Variants in SIL1 observed in about 807,000 individuals in gnomAD.
SIL1 encodes SIL1 nucleotide exchange factor.
A neutral mutation model predicts 49.1 loss-of-function variants in SIL1; 40 were observed. The ratio of observed to expected loss-of-function variants is 0.81; its 90% CI spans 0.63 to 1.06. SIL1 has a LOEUF of 1.06. Among genes scored for constraint, SIL1 ranks in the 50% least tolerant of loss-of-function variants. The probability of loss-of-function intolerance (pLI) is 0.00; values close to 1 mark genes in which losing one functional copy is unlikely to be tolerated. For synonymous variants in SIL1, 253 were observed against 250.8 expected (o/e 1.01, Z -0.08); for missense variants, 500 against 572.6 (o/e 0.87, Z 1.29).
chr5:139,054,051 C>T (rs556355896), intron 3 of SIL1, among the ~76,000 whole-genome samples: 30 of 152,238 alleles, frequency 2.0e-4, no homozygotes, highest in Admixed American at 1.7e-3. Flanking sequence ...GAGGCTGAGA[C>T]GAGGGGATCA....
At chr5:139,128,195 C>A (rs1750792793) in intron 1 of SIL1, 1 of 368,138 alleles carries the variant, frequency 2.7e-6, no homozygotes, top group South Asian at 2.1e-5. Flanking sequence ...AACTGATCTG[C>A]ATGTGAACAA....
chr5:138,984,332 GT>G (rs57850973), intron 7 of SIL1, among the ~76,000 whole-genome samples: 39 of 141,518 alleles, frequency 2.8e-4, no homozygotes, highest in South Asian at 9.0e-4. Context: ...CTCTTACGGT[GT>G]TTTTTTTTTT....
chr5:139,109,817 G>C (rs1182324208), intron 3 of SIL1, among the ~76,000 whole-genome samples: 2 of 144,454 alleles, frequency 1.4e-5, no homozygotes, highest in Non-Finnish European at 3.0e-5. Flanking sequence ...TTCCATTCTA[G>C]GATCCTCTCA....
chr5:139,152,771 C>T lies in SIL1; in HGVS notation c.-10-24918G>A, dbSNP rs77147920. On this transcript the variant is annotated intron_variant, in intron 1 of 9. Coordinates refer to ENST00000394817, the MANE Select transcript of SIL1 (RefSeq NM_022464.5). ...AAAGGCCAAATTCCATACTCGCAAC[C>T]TGCCACCATCCAGCCCTGATCAACA... Among the ~76,000 whole-genome samples, 1,449 of 152,306 alleles carry T rather than the reference C, an allele frequency of 9.5e-3. 15 individuals are homozygous for T. Among genetic ancestry groups the T allele is most frequent in the Non-Finnish European group, 0.016 (1,102 of 68,010 alleles).
At chr5:138,978,684 T>A (rs1284223604) in intron 7 of SIL1, among the ~76,000 whole-genome samples, 1 of 152,238 alleles carries the variant, frequency 6.6e-6, no homozygotes, top group East Asian at 1.9e-4. Context: ...TTTCTCCACA[T>A]CCTTGTCAAC....
In SIL1 at chr5:139,173,728, C is replaced by T. The variant is rs1030351304; in HGVS notation, c.-11+24541G>A. ...TTGGGAGGCCAAGGCAGGCAGATCA[C>T]GAGGTCAGGAGATCGAGACCATCCT... is the stretch of plus-strand genomic sequence containing the variant. On this transcript the variant is annotated intron_variant, in intron 1 of 9. Coordinates refer to ENST00000394817, the MANE Select transcript of SIL1 (RefSeq NM_022464.5). 4.1e-5 allele frequency among the ~76,000 whole-genome samples: 6 copies of T among 145,324 alleles called. No homozygotes were observed. The East Asian group carries it at 1.2e-3, about 30-fold the overall frequency.
chr5:139,042,523 G>C, intron 5 of SIL1, 97 bp downstream of exon 5: 1 of 1,004,902 alleles, frequency 1.0e-6, no homozygotes, highest in Non-Finnish European at 1.6e-6. Flanking sequence ...GTTATCCCAT[G>C]TTTATTGCAA....
At chr5:139,091,205 T>C (rs1411731336) in intron 3 of SIL1, among the ~76,000 whole-genome samples, 1 of 152,036 alleles carries the variant, frequency 6.6e-6, no homozygotes, top group African/African-American at 2.4e-5. Flanking sequence ...AAAATATTAA[T>C]TTGATTATGC....
chr5:138,988,596 A>C (rs1767691925), intron 7 of SIL1, among the ~76,000 whole-genome samples: 1 of 152,232 alleles, frequency 6.6e-6, no homozygotes, highest in African/African-American at 2.4e-5. Flanking sequence ...GTCATTCTAC[A>C]ACTATTGAAA....
chr5:138,978,035 T>A (rs1416635013), intron 7 of SIL1, among the ~76,000 whole-genome samples: 2 of 152,256 alleles, frequency 1.3e-5, no homozygotes, highest in Admixed American at 1.3e-4. Flanking sequence ...TTTATTTTCT[T>A]CATAACACGT....
In SIL1 at chr5:138,948,635, CA is replaced by C. The variant is rs1289722343; in HGVS notation, c.1030-1163del. Among the ~76,000 whole-genome samples, 2 of 890 alleles carry C rather than the reference CA, an allele frequency of 2.2e-3. No homozygotes were observed. Among genetic ancestry groups the C allele is most frequent in the African/African-American group, 7.6e-3 (2 of 264 alleles). 0.6% of individuals were successfully genotyped at this position (890 alleles called of 152,430 possible). On this transcript the variant is annotated intron_variant, in intron 9 of 9. Coordinates refer to ENST00000394817, the MANE Select transcript of SIL1 (RefSeq NM_022464.5). This position sits in a 1 kb window ranked among gnomAD's most constrained non-coding sequence, Gnocchi z 4.8. ...GCTCCGACTTCCAGGTGCACCCCCG[CA>C]TTGGCCCCATTCACTCCACGGCTCC...
intron 7 of SIL1, among the ~76,000 whole-genome samples, chr5:138,968,203 C>A (rs370893784): frequency 6.6e-6 from 1 of 151,974 alleles, no homozygotes; most frequent in African/African-American, 2.4e-5. Context: ...GGGGATGAGG[C>A]GGTAGAGCAC....
chr5:139,137,916 C>T (rs1185481467), intron 1 of SIL1, among the ~76,000 whole-genome samples: 2 of 151,846 alleles, frequency 1.3e-5, no homozygotes. Context: ...CGCACACACA[C>T]ACATACCACA....
At chr5:138,950,378 T>G (rs1158549750) in intron 9 of SIL1, among the ~76,000 whole-genome samples, 1 of 152,126 alleles carries the variant, frequency 6.6e-6, no homozygotes, top group Non-Finnish European at 1.5e-5. Flanking sequence ...GGAGAGACAG[T>G]GATGGACAGA....
intron 1 of SIL1, among the ~76,000 whole-genome samples, chr5:139,175,333 A>G (rs1448590484): frequency 6.6e-6 from 1 of 152,108 alleles, no homozygotes; most frequent in Non-Finnish European, 1.5e-5. Context: ...AAACAAACAA[A>G]CAAAAAAAAA....
intron 1 of SIL1, among the ~76,000 whole-genome samples, chr5:139,148,952 C>A (rs1342975986): frequency 2.0e-5 from 3 of 152,194 alleles, no homozygotes; most frequent in South Asian, 4.1e-4. Flanking sequence ...CTTAAAACAG[C>A]CACTGCAGCC....
intron 5 of SIL1, among the ~76,000 whole-genome samples, chr5:139,029,920 T>C (rs1377700997): frequency 2.0e-5 from 3 of 151,346 alleles, no homozygotes; most frequent in Non-Finnish European, 3.0e-5. Context: ...GAGACTGCAG[T>C]GAGCTGTGAT....
chr5:139,180,138 T>C (rs1485033845), intron 1 of SIL1, among the ~76,000 whole-genome samples: 2 of 144,992 alleles, frequency 1.4e-5, no homozygotes, highest in African/African-American at 2.6e-5. Flanking sequence ...CCGAGGTGGG[T>C]GGATCACTTG....
intron 1 of SIL1, among the ~76,000 whole-genome samples, chr5:139,163,862 A>G (rs1313745191): frequency 6.6e-6 from 1 of 152,062 alleles, no homozygotes; most frequent in African/African-American, 2.4e-5. Flanking sequence ...ATTCACGCCT[A>G]TAATTCCAGC....
Sources: allele counts gnomAD v4.1 joint callset (sites outside exome capture counted in the v4.1 genomes callset), GRCh38; gene constraint gnomAD v4.1.1; non-coding constraint Gnocchi (gnomAD v3.1); transcripts MANE v1.5; gene names NCBI Gene and HGNC (gene_info 2026-07-23, HGNC 2026-07-21).